CACNB2: variants seen among roughly 807,000 people sequenced by gnomAD.
The protein encoded by CACNB2 is calcium voltage-gated channel auxiliary subunit beta 2.
CACNB2 carries 42 observed loss-of-function variants against 73.3 expected under a neutral mutation model. The observed-to-expected ratio is 0.57, with a 90% CI of 0.45 to 0.74. The LOEUF (loss-of-function observed/expected upper bound fraction) is 0.74. Ranked by LOEUF, CACNB2 falls within the 30% of genes least tolerant of loss-of-function variation. CACNB2 has a pLI of 0.00. For missense variants in CACNB2, 940 were observed against 853.0 expected, an observed-to-expected ratio of 1.10 and a Z score of -1.27; for synonymous variants, 348 against 310.3, an observed-to-expected ratio of 1.12 and a Z score of -1.28.
At chr10:18,396,065 T>G (rs1589233745) in intron 2 of CACNB2, among the ~76,000 whole-genome samples, 1 of 152,120 alleles carries the variant, frequency 6.6e-6, no homozygotes, top group Non-Finnish European at 1.5e-5. Context: ...CAAGCGATTC[T>G]CCTGCCTCAG....
At chr10:18,520,096 A>C (rs1330476327) in intron 9 of CACNB2, 4 of 190,028 alleles carry the variant, frequency 2.1e-5, no homozygotes, top group Non-Finnish European at 3.2e-5. Context: ...GATTTCATTC[A>C]GCATCAGATT....
Position 18,532,694 on chromosome 10 carries a change from AAAC to A in CACNB2, c.1055-1379_1055-1377del, listed in dbSNP as rs1288267334. On this transcript the variant is annotated intron_variant, in intron 10 of 13. Coordinates refer to ENST00000324631, the MANE Select transcript of CACNB2 (RefSeq NM_201596.3). Reference sequence around the variant, plus strand: ...TCTGTCTCAAAAAAAAAAAAAAAAAAAACAAAACAAAAAAACAAACAAACAAAA... The same window carrying A: ...TCTGTCTCAAAAAAAAAAAAAAAAAAAAAACAAAAAAACAAACAAACAAAA... Among the ~76,000 whole-genome samples the A allele has an allele frequency of 5.4e-3, 442 of 81,874 alleles. 10 individuals carry two copies. Among genetic ancestry groups the A allele is most frequent in the African/African-American group, 0.022 (429 of 19,340 alleles). The allele number at this position is 81,874 out of a possible 152,430, so 53.7% of individuals were successfully genotyped here.
At position 18,216,024 on chromosome 10, in the gene CACNB2, G is replaced by A. The variant is rs533479128; in HGVS notation, c.213+65049G>A. On this transcript the variant is annotated intron_variant, in intron 2 of 13. Coordinates refer to ENST00000324631, the MANE Select transcript of CACNB2 (RefSeq NM_201596.3). ...TAAAGTAAGTCTTGAGGCCAGGTGT[G>A]GTGGCTCATGCCTGTAATCCCAGCA... Among the ~76,000 whole-genome samples the A allele has an allele frequency of 2.6e-5, 4 of 152,152 alleles. No individual in the cohort carries two copies. In the East Asian group the frequency reaches 5.8e-4, roughly 22 times the overall value.
At chr10:18,220,160 C>CACACAG (rs367891414) in intron 2 of CACNB2, among the ~76,000 whole-genome samples, 1 of 78,514 alleles carries the variant, frequency 1.3e-5, no homozygotes, top group African/African-American at 7.3e-5. Flanking sequence ...TATATACACA[C>CACACAG]ACACACACAC....
At chr10:18,502,830 G>A (rs1282166844) in intron 5 of CACNB2, among the ~76,000 whole-genome samples, 2 of 151,812 alleles carry the variant, frequency 1.3e-5, no homozygotes, top group Non-Finnish European at 2.9e-5. Flanking sequence ...GGAGGAGGGT[G>A]AGGATCAGAA....
intron 9 of CACNB2, among the ~76,000 whole-genome samples, chr10:18,526,990 G>A (rs748795825): frequency 1.3e-5 from 2 of 152,160 alleles, no homozygotes; most frequent in Non-Finnish European, 2.9e-5. Context: ...AATAGTAAAC[G>A]TTTCTCCTAG....
chr10:18,353,253 T>C (rs1485695200), intron 2 of CACNB2, among the ~76,000 whole-genome samples: 1 of 151,882 alleles, frequency 6.6e-6, no homozygotes, highest in East Asian at 1.9e-4. Flanking sequence ...CTACTAAAAA[T>C]ACAAAAATTA....
At chr10:18,448,974 G>A (rs969198072) in intron 3 of CACNB2, among the ~76,000 whole-genome samples, 2 of 152,222 alleles carry the variant, frequency 1.3e-5, no homozygotes, top group Admixed American at 6.5e-5. Flanking sequence ...GCCCAGTGCT[G>A]AAACCATCTA....
intron 2 of CACNB2, among the ~76,000 whole-genome samples, chr10:18,289,281 C>CTTTT (rs1564407541): frequency 1.0e-5 from 1 of 96,940 alleles, no homozygotes; most frequent in African/African-American, 5.6e-5. Context: ...ATTTTTTTTT[C>CTTTT]TTGTTTTTTT....
chr10:18,427,017 G>A (rs2045639388), intron 3 of CACNB2, among the ~76,000 whole-genome samples: 2 of 131,572 alleles, frequency 1.5e-5, no homozygotes, highest in Admixed American at 1.7e-4. Flanking sequence ...GTGCAGTGGT[G>A]CGATCTCGGC....
At chr10:18,518,547 G>A in intron 8 of CACNB2, 131 bp downstream of exon 8, 1 of 754,974 alleles carries the variant, frequency 1.3e-6, no homozygotes. Context: ...AGAGCTCACA[G>A]CAGCAAAGCC....
intron 2 of CACNB2, among the ~76,000 whole-genome samples, chr10:18,216,579 G>A (rs747922385): frequency 2.4e-5 from 3 of 126,322 alleles, no homozygotes; most frequent in Non-Finnish European, 3.6e-5. Flanking sequence ...TAGACACTTA[G>A]TTTTTGTAAA....
chr10:18,348,522 T>C (rs904219860), intron 2 of CACNB2, among the ~76,000 whole-genome samples: 7 of 152,008 alleles, frequency 4.6e-5, no homozygotes, highest in African/African-American at 7.2e-5. Context: ...GGTGGATAGA[T>C]AGATTGTTTG....
chr10:18,280,949 A>G (rs1400866699), intron 2 of CACNB2, among the ~76,000 whole-genome samples: 1 of 152,184 alleles, frequency 6.6e-6, no homozygotes, highest in African/African-American at 2.4e-5. Flanking sequence ...CAAAAGCCCT[A>G]CAAGGTAGGG....
At chr10:18,192,584 C>T (rs1290691744) in intron 2 of CACNB2, among the ~76,000 whole-genome samples, 1 of 152,110 alleles carries the variant, frequency 6.6e-6, no homozygotes, top group Non-Finnish European at 1.5e-5. Context: ...CTTTCTAGTT[C>T]CAACACATTT....
chr10:18,492,266 A>T (rs563837982), intron 3 of CACNB2, among the ~76,000 whole-genome samples: 1 of 152,218 alleles, frequency 6.6e-6, no homozygotes, highest in Non-Finnish European at 1.5e-5. Flanking sequence ...ATTCGACATG[A>T]GTCTGGCCAG....
intron 2 of CACNB2, among the ~76,000 whole-genome samples, chr10:18,220,170 C>CATACATATATAT (rs2035692611): frequency 1.6e-5 from 1 of 62,924 alleles, no homozygotes; most frequent in Non-Finnish European, 2.6e-5. Context: ...CACACACACA[C>CATACATATATAT]ACATACATAT....
At chr10:18,237,605 A>G (rs1386033270) in intron 2 of CACNB2, among the ~76,000 whole-genome samples, 1 of 152,208 alleles carries the variant, frequency 6.6e-6, no homozygotes, top group Non-Finnish European at 1.5e-5. Context: ...TCAGCCACCT[A>G]TCCTATGGTG....
intron 3 of CACNB2, among the ~76,000 whole-genome samples, chr10:18,492,825 A>G (rs2049534955): frequency 6.6e-6 from 1 of 152,164 alleles, no homozygotes. Context: ...GGACGTTTAC[A>G]GTGGAAGACC....
Sources: gnomAD v4.1 joint callset for allele counts (sites outside exome capture counted in the v4.1 genomes callset) on GRCh38, gnomAD v4.1.1 for gene constraint, MANE v1.5 for transcripts, NCBI Gene and HGNC (gene_info 2026-07-23, HGNC 2026-07-21) for gene names.